TAFA1: variants seen among roughly 807,000 people sequenced by gnomAD.
TAFA1 encodes TAFA chemokine like family member 1.
TAFA1 carries 4 observed loss-of-function variants against 18.5 expected under a neutral mutation model. That is an observed-to-expected ratio of 0.22 (90% CI 0.11 to 0.49). TAFA1 has a LOEUF of 0.49. Among genes scored for constraint, TAFA1 ranks in the 20% least tolerant of loss-of-function variants. The probability of loss-of-function intolerance (pLI) is 0.98; values close to 1 mark genes in which losing one functional copy is unlikely to be tolerated. For missense variants in TAFA1, 147 were observed against 169.0 expected (o/e 0.87, Z 0.72); for synonymous variants, 56 against 55.2 (o/e 1.01, Z -0.06).
intron 3 of TAFA1, among the ~76,000 whole-genome samples, chr3:68,436,024 G>A (rs927947554): frequency 2.0e-5 from 3 of 152,134 alleles, no homozygotes; most frequent in Non-Finnish European, 4.4e-5. Flanking sequence ...CTCCATGAGG[G>A]ATACTAAGGG....
chr3:68,296,024 C>T (rs542822797), intron 2 of TAFA1, among the ~76,000 whole-genome samples: 24 of 152,208 alleles, frequency 1.6e-4, no homozygotes, highest in African/African-American at 3.9e-4. Flanking sequence ...GATTCTCTGT[C>T]GACAACAGAT....
intron 2 of TAFA1, among the ~76,000 whole-genome samples, chr3:68,298,707 T>A (rs558320623): frequency 1.1e-4 from 17 of 152,316 alleles, no homozygotes; most frequent in African/African-American, 3.8e-4. Context: ...CAGTATTCAT[T>A]CTCCTTCCTG....
rs546162589 is a variant in TAFA1, at chr3:68,533,090, A to T, written c.260-5666A>T. Among the ~76,000 whole-genome samples, 293 of 151,744 alleles carry T rather than the reference A, an allele frequency of 1.9e-3. 3 individuals carry two copies. Among genetic ancestry groups the T allele is most frequent in the African/African-American group, 6.7e-3 (277 of 41,402 alleles). ...GGCAGGGTGGTAAGGAGAACAAAAA[A>T]AAAAAAAAGAAGGAAGGTATGTAGT... On this transcript the variant is annotated intron_variant, in intron 3 of 4. Transcript: ENST00000478136.
At chr3:68,507,771 T>A (rs1335986533) in intron 3 of TAFA1, among the ~76,000 whole-genome samples, 10 of 152,220 alleles carry the variant, frequency 6.6e-5, no homozygotes, top group Non-Finnish European at 1.5e-4. Flanking sequence ...AAAATGGCAA[T>A]GAAGATAAAA....
intron 2 of TAFA1, among the ~76,000 whole-genome samples, chr3:68,259,955 C>A (rs1040105132): frequency 1.2e-4 from 18 of 151,800 alleles, no homozygotes; most frequent in African/African-American, 4.3e-4. Context: ...ATTGCCCTGG[C>A]CAGAACTTCC....
At chr3:68,199,381 G>T (rs2066447827) in intron 2 of TAFA1, among the ~76,000 whole-genome samples, 3 of 151,302 alleles carry the variant, frequency 2.0e-5, no homozygotes, top group Admixed American at 2.0e-4. Flanking sequence ...GAATCAATTT[G>T]TCAATATCTA....
intron 2 of TAFA1, among the ~76,000 whole-genome samples, chr3:68,269,497 G>A (rs544887152): frequency 6.6e-6 from 1 of 152,310 alleles, no homozygotes; most frequent in Non-Finnish European, 1.5e-5. Flanking sequence ...TTCTGATTCA[G>A]TAGGTCTGAG....
chr3:68,033,678 A>T (rs1343834264), intron 2 of TAFA1, among the ~76,000 whole-genome samples: 1 of 152,228 alleles, frequency 6.6e-6, no homozygotes, highest in Non-Finnish European at 1.5e-5. Flanking sequence ...AATGAAAAAA[A>T]TTAGCATATG....
intron 3 of TAFA1, among the ~76,000 whole-genome samples, chr3:68,424,851 C>T (rs1004989398): frequency 1.3e-5 from 2 of 151,962 alleles, no homozygotes; most frequent in African/African-American, 4.8e-5. Context: ...ACCTTTTTAA[C>T]TGTAACATTT....
intron 2 of TAFA1, among the ~76,000 whole-genome samples, chr3:68,070,839 A>T (rs1038110648): frequency 1.3e-5 from 2 of 152,214 alleles, no homozygotes; most frequent in African/African-American, 4.8e-5. Context: ...TGTACCAAGT[A>T]TCACCTTCTC....
chr3:68,174,377 C>G (rs532110258), intron 2 of TAFA1, among the ~76,000 whole-genome samples: 1 of 152,144 alleles, frequency 6.6e-6, no homozygotes, highest in South Asian at 2.1e-4. Flanking sequence ...GCCAAGAAGA[C>G]AGAAAAATGT....
chr3:68,262,316 TATA>T (rs2067444839), intron 2 of TAFA1, among the ~76,000 whole-genome samples: 1 of 32,584 alleles, frequency 3.1e-5, no homozygotes, highest in Non-Finnish European at 5.4e-5. Flanking sequence ...GGTATATATA[TATA>T]TATATATATA....
intron 2 of TAFA1, among the ~76,000 whole-genome samples, chr3:68,366,617 G>A (rs1439006210): frequency 2.0e-5 from 3 of 152,198 alleles, no homozygotes; most frequent in South Asian, 4.1e-4. Flanking sequence ...CAGGCAATAT[G>A]TGGCAGGGCT....
At chr3:68,080,380 C>T (rs561194102) in intron 2 of TAFA1, among the ~76,000 whole-genome samples, 2 of 151,434 alleles carry the variant, frequency 1.3e-5, no homozygotes, top group East Asian at 1.9e-4. Flanking sequence ...TTATTTTGCT[C>T]GTTAGTTGAT....
intron 2 of TAFA1, among the ~76,000 whole-genome samples, chr3:68,026,287 G>A (rs1214045892): frequency 1.3e-5 from 2 of 151,806 alleles, no homozygotes; most frequent in Non-Finnish European, 2.9e-5. Context: ...CCAGCAGCGG[G>A]GGAATGAGAG....
intron 2 of TAFA1, among the ~76,000 whole-genome samples, chr3:68,093,723 A>G (rs2106801895): frequency 6.6e-6 from 1 of 151,942 alleles, no homozygotes; most frequent in African/African-American, 2.4e-5. Flanking sequence ...CCATATCAAT[A>G]TATCTTGTGT....
intron 2 of TAFA1, among the ~76,000 whole-genome samples, chr3:68,022,906 C>CTAA (rs1189956165): frequency 1.4e-5 from 2 of 142,852 alleles, no homozygotes; most frequent in African/African-American, 2.7e-5. Flanking sequence ...TGGCCCTGTG[C>CTAA]TAATCATTCT....
At chr3:68,309,838 C>T (rs2068485161) in intron 2 of TAFA1, among the ~76,000 whole-genome samples, 1 of 152,084 alleles carries the variant, frequency 6.6e-6, no homozygotes, top group African/African-American at 2.4e-5. Context: ...ACTTCACTTC[C>T]TTGGTGTTAA....
chr3:68,449,861 A>T (rs2071539963), intron 3 of TAFA1, among the ~76,000 whole-genome samples: 1 of 152,210 alleles, frequency 6.6e-6, no homozygotes, highest in African/African-American at 2.4e-5. Flanking sequence ...AAGTGAATAA[A>T]CAAAAGGTCT....
Sources: gnomAD v4.1 joint callset for allele counts (sites outside exome capture counted in the v4.1 genomes callset) on GRCh38, gnomAD v4.1.1 for gene constraint, MANE v1.5 for transcripts, NCBI Gene and HGNC (gene_info 2026-07-23, HGNC 2026-07-21) for gene names.